SHISAL1: variants seen among roughly 807,000 people sequenced by gnomAD.
The protein encoded by SHISAL1 is protein shisa-like-1.
A neutral mutation model predicts 22.6 loss-of-function variants in SHISAL1; 9 were observed. The ratio of observed to expected loss-of-function variants is 0.40; its 90% CI spans 0.24 to 0.70. SHISAL1 has a LOEUF of 0.70. Among genes scored for constraint, SHISAL1 ranks in the 30% least tolerant of loss-of-function variants. SHISAL1 has a pLI of 0.39. For synonymous variants in SHISAL1, 119 were observed against 115.4 expected (o/e 1.03, Z -0.20); for missense variants, 246 against 270.6 (o/e 0.91, Z 0.64).
intron 1 of SHISAL1, among the ~76,000 whole-genome samples, chr22:44,307,087 T>A (rs1485650059): frequency 1.3e-5 from 2 of 152,080 alleles, no homozygotes. Flanking sequence ...ACAAATGAGG[T>A]CTGTGGGACA....
chr22:44,257,074 C>A (rs2055089508), intron 4 of SHISAL1, among the ~76,000 whole-genome samples: 2 of 152,188 alleles, frequency 1.3e-5, no homozygotes, highest in African/African-American at 4.8e-5. Flanking sequence ...GGCTGAGCGC[C>A]CGACGCGTGT....
intron 4 of SHISAL1, among the ~76,000 whole-genome samples, chr22:44,278,561 G>T (rs1215624286): frequency 6.6e-6 from 1 of 152,216 alleles, no homozygotes; most frequent in African/African-American, 2.4e-5. Context: ...ATAGCAACAT[G>T]ACCGCAGCCC....
At chr22:44,306,455 G>T (rs1346502772) in intron 1 of SHISAL1, among the ~76,000 whole-genome samples, 1 of 143,364 alleles carries the variant, frequency 7.0e-6, no homozygotes, top group Admixed American at 7.1e-5. Flanking sequence ...GATGATGATG[G>T]TGTGTGTGGA....
At chr22:44,267,396 C>A (rs1411472594) in intron 4 of SHISAL1, among the ~76,000 whole-genome samples, 3 of 150,584 alleles carry the variant, frequency 2.0e-5, no homozygotes, top group Non-Finnish European at 4.5e-5. Context: ...CCTCCTTGGA[C>A]CCCCACCTCC....
At chr22:44,260,202 C>G (rs772358947) in intron 4 of SHISAL1, among the ~76,000 whole-genome samples, 1 of 152,186 alleles carries the variant, frequency 6.6e-6, no homozygotes, top group Non-Finnish European at 1.5e-5. Context: ...AAGTGATTCC[C>G]TTAAGTCAGG....
intron 4 of SHISAL1, among the ~76,000 whole-genome samples, chr22:44,261,077 T>TATA (rs1555925738): frequency 4.6e-5 from 5 of 108,742 alleles, no homozygotes; most frequent in Admixed American, 3.5e-4. Flanking sequence ...CTTCATTACT[T>TATA]TATATATATA....
At chr22:44,289,598 C>A (rs543606742) in intron 3 of SHISAL1, among the ~76,000 whole-genome samples, 1 of 152,254 alleles carries the variant, frequency 6.6e-6, no homozygotes, top group East Asian at 1.9e-4. Context: ...AAGGGAGGGG[C>A]CTGCCTGCCG....
rs1569202656 is a variant in SHISAL1, at chr22:44,245,153, A to C, written c.*4532T>G. The C allele has an allele frequency of 6.6e-6, 1 of 152,260 alleles. No individual in the cohort carries two copies. Among genetic ancestry groups the C allele is most frequent in the Non-Finnish European group, 1.5e-5 (1 of 68,064 alleles). 9.4% of individuals were successfully genotyped at this position (152,260 alleles called of 1,614,324 possible). The stretch of plus-strand genomic sequence containing the variant: ...CTCTGATGCCCACCACGTGAGCAGG[A>C]TGATTAAGAATTCCTGCAGTTTGCT... On this transcript the variant is annotated 3_prime_UTR_variant, in exon 5 of 5. Transcript: ENST00000381176.
intron 3 of SHISAL1, 77 bp downstream of exon 3, chr22:44,296,595 G>A: frequency 7.6e-7 from 1 of 1,324,422 alleles, no homozygotes; most frequent in South Asian, 1.2e-5. Flanking sequence ...CGCCTCCCTA[G>A]GGGACGCGAT....
upstream of SHISAL1, among the ~76,000 whole-genome samples, chr22:44,314,882 G>T (rs1019676528): frequency 1.1e-4 from 16 of 152,130 alleles, no homozygotes; most frequent in Non-Finnish European, 1.9e-4. Flanking sequence ...GAACATTACG[G>T]GGCATCTCAG....
intron 1 of SHISAL1, among the ~76,000 whole-genome samples, chr22:44,305,759 T>A (rs2055466224): frequency 6.6e-6 from 1 of 152,210 alleles, no homozygotes; most frequent in Non-Finnish European, 1.5e-5. Context: ...ATGGCCTGGC[T>A]GTGCCCCCAA....
the SHISAL1 span, among the ~76,000 whole-genome samples, chr22:44,322,274 G>T: frequency 5.9e-5 from 9 of 152,232 alleles, no homozygotes; most frequent in African/African-American, 1.9e-4. Flanking sequence ...GCAGGTGAGG[G>T]TCTCCCCATC....
At chr22:44,301,331 T>C (rs1305884908) in intron 1 of SHISAL1, among the ~76,000 whole-genome samples, 1 of 152,152 alleles carries the variant, frequency 6.6e-6, no homozygotes, top group Admixed American at 6.5e-5. Flanking sequence ...TCGAGGAGCT[T>C]ACAGGACCCA....
chr22:44,251,429 T>A (rs1202922954), intron 4 of SHISAL1, among the ~76,000 whole-genome samples: 2 of 152,196 alleles, frequency 1.3e-5, no homozygotes, highest in African/African-American at 4.8e-5. Context: ...TCAGAAAGGT[T>A]TACTATAAAA....
intron 4 of SHISAL1, among the ~76,000 whole-genome samples, chr22:44,259,134 G>A (rs1470687844): frequency 6.6e-6 from 1 of 152,206 alleles, no homozygotes; most frequent in African/African-American, 2.4e-5. Flanking sequence ...GCAACAGGGT[G>A]GCCACATGGT....
At chr22:44,327,554 TC>T in the SHISAL1 span, among the ~76,000 whole-genome samples, 1 of 152,022 alleles carries the variant, frequency 6.6e-6, no homozygotes, top group African/African-American at 2.4e-5. Context: ...ATAGAGTCAA[TC>T]GTTAAACAGG....
rs553698789 is a variant in SHISAL1, at chr22:44,244,961, T to C, written c.*4724A>G. 10 of 152,388 alleles carry C rather than the reference T, an allele frequency of 6.6e-5. No individual in the cohort carries two copies. Among genetic ancestry groups the C allele is most frequent in the Admixed American group, 2.6e-4 (4 of 15,308 alleles). The allele number at this position is 152,388 out of a possible 1,614,324, so 9.4% of individuals were successfully genotyped here. ...GCTACAGCAAGGAACTAGGGCACTG[T>C]GCATGGCATCTGGCACATAGTAAGT... On this transcript the variant is annotated 3_prime_UTR_variant, in exon 5 of 5. Transcript: ENST00000381176.
At chr22:44,280,080 C>T (rs1020036431) in intron 4 of SHISAL1, among the ~76,000 whole-genome samples, 1 of 152,196 alleles carries the variant, frequency 6.6e-6, no homozygotes, top group African/African-American at 2.4e-5. Context: ...CCCCATCCCC[C>T]ATCCCCACTC....
At chr22:44,316,922 C>T (rs538076423), upstream of SHISAL1, among the ~76,000 whole-genome samples, 13 of 152,302 alleles carry the variant, frequency 8.5e-5, no homozygotes, top group East Asian at 1.9e-3. Flanking sequence ...AAAGCACCAA[C>T]GCGGCTAATT....
Sources: gnomAD v4.1 joint callset for allele counts (sites outside exome capture counted in the v4.1 genomes callset) on GRCh38, gnomAD v4.1.1 for gene constraint, MANE v1.5 for transcripts, NCBI Gene and HGNC (gene_info 2026-07-23, HGNC 2026-07-21) for gene names.